Variants in CDV3 observed in about 807,000 individuals in gnomAD.
CDV3 encodes the protein CDV3 homolog.
In CDV3, 14 loss-of-function variants were observed where a neutral mutation model predicts 24.5. The observed-to-expected ratio is 0.57, with a 90% CI of 0.38 to 0.89. The LOEUF (loss-of-function observed/expected upper bound fraction) is 0.89, where lower values mean the gene tolerates loss of function less well. Among genes scored for constraint, CDV3 ranks in the 40% least tolerant of loss-of-function variants. CDV3 has a pLI of 0.00. For synonymous variants in CDV3, 114 were observed against 114.1 expected, an observed-to-expected ratio of 1.00 and a Z score of 0.00; for missense variants, 304 against 310.2, an observed-to-expected ratio of 0.98 and a Z score of 0.15.
chr3:133,588,360 G>A lies in CDV3; in HGVS notation c.*314G>A, dbSNP rs1374179018. On this transcript the variant is annotated 3_prime_UTR_variant, in exon 5 of 5. Transcript: ENST00000264993. ...AAATCTTTTTATGTTCAGATACTGA[G>A]CCTTCATAAGGGTTGACTACCTCAG... 3 of 1,536,104 alleles carry A rather than the reference G, an allele frequency of 2.0e-6. No individual in the cohort carries two copies. The highest frequency in any genetic ancestry group is 1.7e-4 in the Middle Eastern group (1 of 5,990).
chr3:133,578,891 A>G (rs1322576144), intron 2 of CDV3, among the ~76,000 whole-genome samples: 1 of 152,212 alleles, frequency 6.6e-6, no homozygotes, highest in African/African-American at 2.4e-5. Flanking sequence ...TATTCTTTAT[A>G]AATATACTGC....
At chr3:133,586,275 T>C (rs1933589599) in intron 3 of CDV3, among the ~76,000 whole-genome samples, 1 of 152,064 alleles carries the variant, frequency 6.6e-6, no homozygotes, top group Admixed American at 6.6e-5. Flanking sequence ...TTTGTATTTT[T>C]AGTAGAGACA....
Position 133,584,046 on chromosome 3 carries a change from G to C in CDV3, c.362G>C (p.Gly121Ala). 6.2e-7 allele frequency: 1 copy of C among 1,611,280 alleles called. No individual in the cohort carries two copies. Among genetic ancestry groups the C allele is most frequent in the East Asian group, 2.2e-5 (1 of 44,862 alleles). The change falls in exon 3 of 5, where the codon GGT becomes GCT. Residue 121 changes from glycine to alanine, a missense_variant. By Grantham distance (60) the Gly-to-Ala change is moderately conservative (BLOSUM62 0). This residue lies in a region of CDV3 where 219 missense variants were observed against 203.6 expected (regional missense o/e 1.08). Coordinates refer to ENST00000264993, the MANE Select transcript of CDV3 (RefSeq NM_017548.5). ...EDDNEKRQDP[G>A]DNWEEGGGGG... Reference sequence around the variant, plus strand: ...GATAATGAAAAGAGACAAGATCCAGGTGATAACTGGGAAGAAGGTGGAGGT... The same window carrying C: ...GATAATGAAAAGAGACAAGATCCAGCTGATAACTGGGAAGAAGGTGGAGGT...
intron 3 of CDV3, among the ~76,000 whole-genome samples, chr3:133,585,587 C>T (rs1385231299): frequency 1.3e-5 from 2 of 151,378 alleles, no homozygotes; most frequent in Non-Finnish European, 1.5e-5. Context: ...CTCCGCCTCC[C>T]GGGTTCAAGC....
At chr3:133,576,516 T>C (rs910418514) in intron 2 of CDV3, among the ~76,000 whole-genome samples, 1 of 150,744 alleles carries the variant, frequency 6.6e-6, no homozygotes, top group Non-Finnish European at 1.5e-5. Flanking sequence ...AAAACGTGAG[T>C]GACTGGAAGA....
chr3:133,588,219 T>C lies in CDV3; in HGVS notation c.*173T>C. 6.5e-7 allele frequency: 1 copy of C among 1,537,940 alleles called. No individual in the cohort carries two copies. The highest frequency in any genetic ancestry group is 8.8e-7 in the Non-Finnish European group (1 of 1,141,486). The stretch of plus-strand genomic sequence containing the variant: ...AAGTGTCACGACTGCTCTATGCATA[T>C]TGGATTTAGGGGAATTTTCATTGTT... On this transcript the variant is annotated 3_prime_UTR_variant, in exon 5 of 5. Coordinates refer to ENST00000264993, the MANE Select transcript of CDV3 (RefSeq NM_017548.5).
intron 2 of CDV3, among the ~76,000 whole-genome samples, chr3:133,583,035 A>C (rs888980601): frequency 1.6e-4 from 24 of 152,290 alleles, no homozygotes; most frequent in Middle Eastern, 3.4e-3. Context: ...ATTATGACTC[A>C]AGTCAATTCA....
At chr3:133,586,190 G>C (rs763317303) in intron 3 of CDV3, among the ~76,000 whole-genome samples, 9 of 152,142 alleles carry the variant, frequency 5.9e-5, no homozygotes, top group African/African-American at 9.7e-5. Context: ...CTGCCTCCTA[G>C]GTTCAAGCCA....
Position 133,575,101 on chromosome 3 carries a change from G to T in CDV3, c.303G>T (p.Gln101His). ...TTGATTACAGCGGCCTCAGGGTTCA[G>T]GCAATGCAAATAAGGTATAGTCTGG... Reference protein sequence around the residue: ...KEVDYSGLRVQAMQISSEKEE... With the variant: ...KEVDYSGLRVHAMQISSEKEE... Residue 101 changes from glutamine to histidine, a missense_variant, in exon 2 of 5, where the codon CAG becomes CAT. Physicochemically the swap from Gln to His is conservative, Grantham distance 24 (BLOSUM62 0). Around this residue, in one of 3 missense-constraint regions of CDV3, gnomAD observed 219 missense variants for 203.6 expected, o/e 1.08. Transcript: ENST00000264993. 1 of 1,574,774 alleles carries T rather than the reference G, an allele frequency of 6.4e-7. No individual in the cohort carries two copies. The highest frequency in any genetic ancestry group is 8.7e-7 in the Non-Finnish European group (1 of 1,144,102).
chr3:133,588,082 A>G lies in CDV3; in HGVS notation c.*36A>G, dbSNP rs1371286563. On this transcript the variant is annotated 3_prime_UTR_variant, in exon 5 of 5. Transcript: ENST00000264993. ...TTGCTAACCCTTCTGAGGTAACTAG[A>G]CTGCAGCTAACCACCACCAACAGCC... is the stretch of plus-strand genomic sequence containing the variant. The G allele has an allele frequency of 1.3e-6, 2 of 1,598,408 alleles. No individual in the cohort carries two copies. The highest frequency in any genetic ancestry group is 2.7e-5 in the African/African-American group (2 of 74,072).
At chr3:133,581,761 T>C (rs960760077) in intron 2 of CDV3, among the ~76,000 whole-genome samples, 14 of 152,202 alleles carry the variant, frequency 9.2e-5, no homozygotes, top group South Asian at 2.1e-4. Flanking sequence ...CTTTTTAAAA[T>C]TGTTGTAGAT....
Position 133,589,740 on chromosome 3 carries a change from G to A in CDV3, c.*1694G>A, listed in dbSNP as rs1451468381. On this transcript the variant is annotated 3_prime_UTR_variant, in exon 5 of 5. Coordinates refer to ENST00000264993, the MANE Select transcript of CDV3 (RefSeq NM_017548.5). ...GAGGAGGGTTACAGTATCTCCTGAC[G>A]GGACCTGCCACTCGCATCTGGGCAA... 7 of 152,398 alleles carry A rather than the reference G, an allele frequency of 4.6e-5. No individual in the cohort carries two copies. The highest frequency in any genetic ancestry group is 7.3e-5 in the Non-Finnish European group (5 of 68,038). The allele number at this position is 152,398 out of a possible 1,614,324, so 9.4% of individuals were successfully genotyped here.
intron 1 of CDV3, 168 bp from the exon 2 acceptor site, chr3:133,574,871 C>A (rs1398738428): frequency 8.7e-5 from 63 of 724,798 alleles, no homozygotes; most frequent in Non-Finnish European, 1.3e-4. Context: ...GCATGTTTGT[C>A]CTCCATTTAG....
intron 2 of CDV3, among the ~76,000 whole-genome samples, chr3:133,576,841 C>CTTTTT (rs370619351): frequency 0.068 from 4,191 of 61,872 alleles, 1,269 homozygotes; most frequent in Middle Eastern, 0.17. Flanking sequence ...GGTAGACTAG[C>CTTTTT]TTTTTTTTTT....
At chr3:133,574,456 G>A (rs538540417) in intron 1 of CDV3, 172 bp downstream of exon 1, 12,621 of 986,460 alleles carry the variant, frequency 0.013, 98 homozygotes, top group Non-Finnish European at 0.014. Context: ...CCAGGGCCGG[G>A]ACCCCTTCCG....
intron 2 of CDV3, among the ~76,000 whole-genome samples, chr3:133,576,062 C>A (rs2074794529): frequency 6.6e-6 from 1 of 152,230 alleles, no homozygotes; most frequent in African/African-American, 2.4e-5. Flanking sequence ...CTTTTGACTT[C>A]TCTGGATGTT....
Position 133,584,114 on chromosome 3 carries a change from A to G in CDV3, c.430A>G (p.Thr144Ala). 1 of 1,613,140 alleles carries G rather than the reference A, an allele frequency of 6.2e-7. No homozygotes were observed. Among genetic ancestry groups the G allele is most frequent in the Non-Finnish European group, 8.5e-7 (1 of 1,179,314 alleles). Residue 144 changes from threonine (T) to alanine (A), a missense_variant, in exon 3 of 5, where the codon ACA becomes GCA. Physicochemically the swap from Thr to Ala is moderately conservative, Grantham distance 58. Around this residue, in one of 3 missense-constraint regions of CDV3, gnomAD observed 219 missense variants for 203.6 expected, o/e 1.08. Transcript: ENST00000264993. ...AAAATCTTCAGGTCCCTGGAATAAA[A>G]CAGCTCCAGTACAAGCACCTCCTGC... ...MEKSSGPWNK[T>A]APVQAPPAPV...
rs2074739544 is a variant in CDV3, at chr3:133,574,779, C to G, written c.241-260C>G. On this transcript the variant is annotated intron_variant, in intron 1 of 4. Coordinates refer to ENST00000264993, the MANE Select transcript of CDV3 (RefSeq NM_017548.5). Reference sequence around the variant, plus strand: ...AATGTAGTTGTGAAATTCCTATTGACTTCTTCCTTCGGCTTTTCTTAGTTG... The same window carrying G: ...AATGTAGTTGTGAAATTCCTATTGAGTTCTTCCTTCGGCTTTTCTTAGTTG... The G allele has an allele frequency of 2.8e-6, 3 of 1,062,168 alleles. 1 individual carries two copies. The South Asian group carries it at 1.0e-4, about 36-fold the overall frequency. 65.8% of individuals were successfully genotyped at this position (1,062,168 alleles called of 1,614,324 possible). A position where few individuals can be genotyped will look rare whatever the true frequency, so the allele number is the denominator to read the frequency against.
At chr3:133,580,502 A>C (rs1419150328) in intron 2 of CDV3, among the ~76,000 whole-genome samples, 1 of 152,226 alleles carries the variant, frequency 6.6e-6, no homozygotes, top group Admixed American at 6.5e-5. Flanking sequence ...CAGGAGTTCG[A>C]GACCAGCCTG....
Sources: allele counts gnomAD v4.1 joint callset (sites outside exome capture counted in the v4.1 genomes callset), GRCh38; gene constraint gnomAD v4.1.1; regional missense constraint gnomAD v4.1.1; transcripts MANE v1.5; gene names NCBI Gene and HGNC (gene_info 2026-07-23, HGNC 2026-07-21).